Variants in IL7 observed in about 807,000 individuals in gnomAD.
IL7 encodes the protein interleukin 7, also known as interleukin-7.
A neutral mutation model predicts 21.6 loss-of-function variants in IL7; 3 were observed. The observed-to-expected ratio is 0.14, with a 90% CI of 0.06 to 0.36. The LOEUF (loss-of-function observed/expected upper bound fraction) is 0.36, where lower values mean the gene tolerates loss of function less well. Among genes scored for constraint, IL7 ranks in the 10% least tolerant of loss-of-function variants. The probability of loss-of-function intolerance (pLI) is 1.00; values close to 1 mark genes in which losing one functional copy is unlikely to be tolerated. For synonymous variants in IL7, 62 were observed against 68.1 expected, an observed-to-expected ratio of 0.91 and a Z score of 0.44; for missense variants, 175 against 200.2, an observed-to-expected ratio of 0.87 and a Z score of 0.76.
chr8:78,739,969 C>G, intron 3 of IL7, 33 bp downstream of exon 3: 1 of 1,488,120 alleles, frequency 6.7e-7, no homozygotes. Context: ...TAAAATCAAG[C>G]TTGAATGACA....
At chr8:78,796,542 T>A (rs1813859747) in intron 2 of IL7, among the ~76,000 whole-genome samples, 1 of 151,892 alleles carries the variant, frequency 6.6e-6, no homozygotes, top group Admixed American at 6.6e-5. Flanking sequence ...AAAAAAGAGA[T>A]AGTGCATGAT....
chr8:78,787,415 C>T (rs2130821692), intron 2 of IL7, among the ~76,000 whole-genome samples: 1 of 152,290 alleles, frequency 6.6e-6, no homozygotes, highest in South Asian at 2.1e-4. Flanking sequence ...GAAAAAAACT[C>T]TCACACATTT....
At chr8:78,717,001 A>C (rs1268474590), downstream of IL7, among the ~76,000 whole-genome samples, 2 of 151,284 alleles carry the variant, frequency 1.3e-5, no homozygotes, top group Admixed American at 1.3e-4. Context: ...TACAGCCTGC[A>C]GAACTGTGAG....
intron 3 of IL7, chr8:78,689,168 A>G: frequency 7.7e-7 from 1 of 1,294,172 alleles, no homozygotes; most frequent in Non-Finnish European, 1.0e-6. Context: ...AGATTTTTTA[A>G]TGTCCGTTTC....
intron 3 of IL7, among the ~76,000 whole-genome samples, chr8:78,688,926 C>T (rs568445208): frequency 4.6e-5 from 7 of 151,900 alleles, no homozygotes; most frequent in Admixed American, 2.0e-4. Context: ...AAAGAAATAA[C>T]GTTTTTCCTC....
chr8:78,691,639 A>C (rs1810214544), intron 3 of IL7, among the ~76,000 whole-genome samples: 1 of 152,028 alleles, frequency 6.6e-6, no homozygotes, highest in Non-Finnish European at 1.5e-5. Context: ...TTTTTTAAAA[A>C]TTCACCATTT....
In IL7 at chr8:78,798,256, C is replaced by A. The variant is rs201779059; in HGVS notation, c.11-48G>T. The stretch of plus-strand genomic sequence containing the variant: ...ATGAGCTAAATGTTATATCGTATTG[C>A]ATTTGATTGTGGGGTTTCAATGGAC... On this transcript the variant is annotated intron_variant, in intron 1 of 5. Transcript: ENST00000263851. 23 of 1,390,806 alleles carry A rather than the reference C, an allele frequency of 1.7e-5. No individual in the cohort carries two copies. The East Asian group carries it at 5.1e-4, about 31-fold the overall frequency. The allele number at this position is 1,390,806 out of a possible 1,614,324, so 86.2% of individuals were successfully genotyped here.
At chr8:78,765,483 A>C (rs954704350) in intron 2 of IL7, among the ~76,000 whole-genome samples, 8 of 152,104 alleles carry the variant, frequency 5.3e-5, no homozygotes, top group Admixed American at 5.2e-4. Flanking sequence ...AAAAATCTAA[A>C]ATAAGACAAT....
intron 4 of IL7, chr8:78,678,801 A>G (rs1809669224): frequency 5.4e-6 from 3 of 558,308 alleles, no homozygotes; most frequent in South Asian, 8.5e-5. Context: ...AGATTAAAGA[A>G]TAAATACAAT....
intron 3 of IL7, among the ~76,000 whole-genome samples, chr8:78,690,579 TG>T (rs1810177964): frequency 6.6e-6 from 1 of 151,806 alleles, no homozygotes; most frequent in Non-Finnish European, 1.5e-5. Context: ...AAAAAAACTT[TG>T]GCCATTCTTG....
chr8:78,705,304 T>G (rs1810735542), intron 3 of IL7, among the ~76,000 whole-genome samples: 1 of 152,218 alleles, frequency 6.6e-6, no homozygotes, highest in African/African-American at 2.4e-5. Flanking sequence ...GTTTGTTTTT[T>G]TGAACAACTC....
At chr8:78,803,817 A>G (rs964567450) in intron 1 of IL7, among the ~76,000 whole-genome samples, 13 of 152,166 alleles carry the variant, frequency 8.5e-5, no homozygotes, top group African/African-American at 3.1e-4. Flanking sequence ...TACGTTGGCT[A>G]TTCTTTCCGC....
At chr8:78,736,614 C>T in intron 4 of IL7, 87 bp from the exon 5 acceptor site, 2 of 736,302 alleles carry the variant, frequency 2.7e-6, no homozygotes, top group South Asian at 1.9e-5. Flanking sequence ...ATATTGCCTT[C>T]AGCTCATCTA....
rs185627070 is a variant in IL7, at chr8:78,687,800, A to G, written n.215-1853T>C. On this transcript the variant is annotated intron_variant and non_coding_transcript_variant, in intron 3 of 4. Transcript: ENST00000523959. Reference sequence around the variant, plus strand: ...TATATATTTACGTAATACATTATATATATTCATGTAATAAATATATATATT... The same window carrying G: ...TATATATTTACGTAATACATTATATGTATTCATGTAATAAATATATATATT... 6.8e-3 allele frequency among the ~76,000 whole-genome samples: 917 copies of G among 135,082 alleles called. 146 individuals are homozygous for G. In the East Asian group the frequency reaches 0.14, roughly 21 times the overall value. The allele number at this position is 135,082 out of a possible 152,430, so 88.6% of individuals were successfully genotyped here.
At position 78,798,074 on chromosome 8, in the gene IL7, A is replaced by G; in HGVS notation, c.145T>C (p.Leu49=). 1 of 1,601,594 alleles carries G rather than the reference A, an allele frequency of 6.2e-7. No individual in the cohort carries two copies. Among genetic ancestry groups the G allele is most frequent in the South Asian group, 1.1e-5 (1 of 88,448 alleles). Residue 49 remains leucine (L), a splice_region_variant and synonymous_variant, in exon 2 of 6, where the codon TTG becomes CTG. Transcript: ENST00000263851. ...SVLMVSIDQL[L]DSMKEIGSNC... is the part of the protein sequence containing the mutation. ...AGTAAAACAAAATAATCACATACCA[A>G]TAATTGATCGATGCTGACCATTAGA...
chr8:78,784,150 G>A (rs758955262), intron 2 of IL7, among the ~76,000 whole-genome samples: 2 of 152,150 alleles, frequency 1.3e-5, no homozygotes, highest in African/African-American at 2.4e-5. Context: ...TGAGGCCTTC[G>A]GGAGGTAATT....
intron 1 of IL7, among the ~76,000 whole-genome samples, chr8:78,801,278 C>T (rs577339114): frequency 1.0e-3 from 158 of 152,232 alleles, no homozygotes; most frequent in Non-Finnish European, 1.8e-3. Flanking sequence ...GAAGCTTGTT[C>T]CATTAAGAGT....
intron 2 of IL7, among the ~76,000 whole-genome samples, chr8:78,741,958 C>T (rs1811797490): frequency 6.6e-6 from 1 of 152,154 alleles, no homozygotes; most frequent in Non-Finnish European, 1.5e-5. Context: ...AATAGAATTA[C>T]TTGACCAAAG....
chr8:78,773,381 G>C (rs1037899868), intron 2 of IL7, among the ~76,000 whole-genome samples: 1 of 152,204 alleles, frequency 6.6e-6, no homozygotes, highest in African/African-American at 2.4e-5. Flanking sequence ...ATGTCATAAC[G>C]AACGGTATTG....
Sources: gnomAD v4.1 joint callset for allele counts (sites outside exome capture counted in the v4.1 genomes callset) on GRCh38, gnomAD v4.1.1 for gene constraint, MANE v1.5 for transcripts, NCBI Gene and HGNC (gene_info 2026-07-23, HGNC 2026-07-21) for gene names.